The following CNOT6 variants were observed in gnomAD, a reference collection of about 807,000 sequenced individuals.
CNOT6 encodes CCR4-NOT transcription complex subunit 6.
A neutral mutation model predicts 61.2 loss-of-function variants in CNOT6; 12 were observed. The observed-to-expected ratio is 0.20, with a 90% CI of 0.13 to 0.32. CNOT6 has a LOEUF of 0.32. CNOT6 is among the 10% of genes least tolerant of loss of function. The pLI is 1.00. For missense variants in CNOT6, 405 were observed against 663.9 expected, an observed-to-expected ratio of 0.61 and a Z score of 4.28; for synonymous variants, 225 against 240.6, an observed-to-expected ratio of 0.94 and a Z score of 0.60.
intron 1 of CNOT6, among the ~76,000 whole-genome samples, chr5:180,509,856 C>G (rs1249350546): frequency 7.4e-6 from 1 of 135,568 alleles, no homozygotes; most frequent in East Asian, 2.4e-4. Flanking sequence ...TCACTAGCTA[C>G]TCTTTGTTAA....
chr5:180,501,836 A>C (rs1380959073), intron 1 of CNOT6, among the ~76,000 whole-genome samples: 1 of 152,172 alleles, frequency 6.6e-6, no homozygotes, highest in Non-Finnish European at 1.5e-5. Context: ...CCAAGAAAGA[A>C]GGAGTTTTCA....
At chr5:180,503,147 T>C (rs927663182) in intron 1 of CNOT6, among the ~76,000 whole-genome samples, 4 of 152,160 alleles carry the variant, frequency 2.6e-5, no homozygotes, top group African/African-American at 9.7e-5. Flanking sequence ...CACACCAAAA[T>C]TGTGACATAG....
chr5:180,520,014 G>C (rs1757812729), intron 1 of CNOT6, among the ~76,000 whole-genome samples: 1 of 151,602 alleles, frequency 6.6e-6, no homozygotes. Flanking sequence ...TTGTATTTTT[G>C]GTAGAGACAA....
intron 3 of CNOT6, among the ~76,000 whole-genome samples, chr5:180,552,153 G>A (rs896992994): frequency 1.3e-5 from 2 of 151,696 alleles, no homozygotes; most frequent in African/African-American, 2.4e-5. Context: ...ACAGGCGTGA[G>A]CCACCGTGCC....
chr5:180,514,593 A>G (rs1757549197), intron 1 of CNOT6, among the ~76,000 whole-genome samples: 1 of 152,220 alleles, frequency 6.6e-6, no homozygotes, highest in African/African-American at 2.4e-5. Context: ...TTAAAGTCCT[A>G]AATTAGAGTG....
intron 1 of CNOT6, among the ~76,000 whole-genome samples, chr5:180,510,835 G>A (rs1024767046): frequency 4.6e-5 from 7 of 151,386 alleles, no homozygotes; most frequent in Admixed American, 6.6e-5. Context: ...ACAGAGTCTC[G>A]CTCTCGTCAC....
At chr5:180,564,817 T>C in intron 6 of CNOT6, 74 bp downstream of exon 6, 1 of 1,120,478 alleles carries the variant, frequency 8.9e-7, no homozygotes, top group Non-Finnish European at 1.3e-6. Context: ...TCAGCATGCT[T>C]AGATTACAGG....
intron 2 of CNOT6, among the ~76,000 whole-genome samples, chr5:180,548,008 A>T (rs1759401875): frequency 6.6e-6 from 1 of 152,228 alleles, no homozygotes; most frequent in South Asian, 2.1e-4. Context: ...TGCTGGGATT[A>T]CAGGCATGAG....
At chr5:180,510,133 C>CAT (rs1561633413) in intron 1 of CNOT6, among the ~76,000 whole-genome samples, 1 of 73,066 alleles carries the variant, frequency 1.4e-5, no homozygotes, top group Non-Finnish European at 2.5e-5. Context: ...CGTCTGTAAA[C>CAT]CTTTTTTTTT....
At chr5:180,511,988 C>T (rs1296876633) in intron 1 of CNOT6, among the ~76,000 whole-genome samples, 2 of 152,160 alleles carry the variant, frequency 1.3e-5, no homozygotes, top group Non-Finnish European at 2.9e-5. Context: ...GAACTCATTT[C>T]TCTTAATCTG....
chr5:180,560,889 GC>G, intron 4 of CNOT6, among the ~76,000 whole-genome samples: 2 of 152,268 alleles, frequency 1.3e-5, no homozygotes, highest in East Asian at 3.9e-4. Context: ...AGTCCCACAA[GC>G]CCCAGAGACT....
intron 1 of CNOT6, among the ~76,000 whole-genome samples, chr5:180,506,844 C>A (rs1287441911): frequency 6.6e-6 from 1 of 152,012 alleles, no homozygotes; most frequent in Non-Finnish European, 1.5e-5. Flanking sequence ...CCTTTAAATT[C>A]ATATAAGCAT....
chr5:180,515,916 T>G (rs1757614832), intron 1 of CNOT6, among the ~76,000 whole-genome samples: 1 of 152,054 alleles, frequency 6.6e-6, no homozygotes, highest in Non-Finnish European at 1.5e-5. Flanking sequence ...AAAAAAAAAT[T>G]TTCTTTTTGA....
chr5:180,543,635 A>G (rs1759154772), intron 2 of CNOT6, among the ~76,000 whole-genome samples: 1 of 152,232 alleles, frequency 6.6e-6, no homozygotes, highest in African/African-American at 2.4e-5. Context: ...TGGGGCAAAG[A>G]CGACTCAGCT....
chr5:180,526,150 C>T (rs1368702492), intron 1 of CNOT6, among the ~76,000 whole-genome samples: 3 of 152,146 alleles, frequency 2.0e-5, no homozygotes, highest in African/African-American at 7.2e-5. Context: ...CACTTACGAA[C>T]TTGAATGGGT....
Position 180,567,929 on chromosome 5 carries a change from A to AC in CNOT6, c.954dup (p.Arg319GlnfsTer7). 6.2e-7 allele frequency: 1 copy of AC among 1,614,178 alleles called. No homozygotes were observed. The highest frequency in any genetic ancestry group is 1.1e-5 in the South Asian group (1 of 91,084). ...TCTGAGGGGTCTGAAGCTATGCTGA[A>AC]CAGAGTCATGACAAAAGATAACATT... On this transcript the variant is annotated frameshift_variant, in exon 9 of 12. Coordinates refer to ENST00000261951, the MANE Select transcript of CNOT6 (RefSeq NM_001370472.1). LOFTEE classifies it high-confidence loss of function.
intron 1 of CNOT6, among the ~76,000 whole-genome samples, chr5:180,519,862 T>C (rs578051715): frequency 6.8e-6 from 1 of 147,512 alleles, no homozygotes; most frequent in Non-Finnish European, 1.5e-5. Flanking sequence ...TGAAAAGGAA[T>C]CTCGCTCTAT....
At chr5:180,544,895 G>A (rs1461429828) in intron 2 of CNOT6, among the ~76,000 whole-genome samples, 1 of 152,130 alleles carries the variant, frequency 6.6e-6, no homozygotes, top group Non-Finnish European at 1.5e-5. Context: ...GGAGTTAAAG[G>A]CTACTGTGAG....
intron 1 of CNOT6, among the ~76,000 whole-genome samples, chr5:180,517,478 G>A (rs1377537387): frequency 6.7e-6 from 1 of 148,532 alleles, no homozygotes; most frequent in Non-Finnish European, 1.5e-5. Context: ...AAATGATGTT[G>A]CTTGAAAAAA....
Sources: gnomAD v4.1 joint callset for allele counts (sites outside exome capture counted in the v4.1 genomes callset) on GRCh38, gnomAD v4.1.1 for gene constraint, MANE v1.5 for transcripts, NCBI Gene and HGNC (gene_info 2026-07-23, HGNC 2026-07-21) for gene names.